The following NDUFAF5 variants were observed in gnomAD, a reference collection of about 807,000 sequenced individuals.
NDUFAF5 encodes the protein arginine-hydroxylase NDUFAF5, mitochondrial.
A neutral mutation model predicts 48.9 loss-of-function variants in NDUFAF5; 34 were observed. The observed-to-expected ratio is 0.70, with a 90% CI of 0.53 to 0.93. NDUFAF5 has a LOEUF of 0.93. Among genes scored for constraint, NDUFAF5 ranks in the 40% least tolerant of loss-of-function variants. NDUFAF5 has a pLI of 0.00. For synonymous variants in NDUFAF5, 153 were observed against 150.6 expected (o/e 1.02, Z -0.12); for missense variants, 428 against 427.5 (o/e 1.00, Z -0.01).
At chr20:13,809,078 T>C (rs1985490020) in intron 8 of NDUFAF5, 176 bp downstream of exon 8, 1 of 617,742 alleles carries the variant, frequency 1.6e-6, no homozygotes, top group East Asian at 2.8e-5. Context: ...GAGCTTCTGA[T>C]ATAAAATGGA....
Position 13,785,175 on chromosome 20 carries a change from G to C in NDUFAF5, c.107G>C (p.Arg36Pro), listed in dbSNP as rs752715492. ...RREVTSGVSP[R>P]GSTSPRTLNI... ...GAAGTCACCTCTGGTGTCTCTCCCC[G>C]CGGTAGCACCTCGCCCAGAACCCTG... The change falls in exon 1 of 11, where the codon CGC (arginine) becomes CCC (proline). Residue 36 changes from arginine to proline, a missense_variant. Coordinates refer to ENST00000378106, the MANE Select transcript of NDUFAF5 (RefSeq NM_024120.5). The C allele has an allele frequency of 4.3e-6, 7 of 1,613,878 alleles. No homozygotes were observed. The highest frequency in any genetic ancestry group is 5.9e-6 in the Non-Finnish European group (7 of 1,179,928).
In NDUFAF5 at chr20:13,785,300, C is replaced by CG; in HGVS notation, c.222+14dup. On this transcript the variant is annotated intron_variant, in intron 1 of 10. Transcript: ENST00000378106. ...CTACCTGAAGGAGGAGGTGAGCCCG[C>CG]GGGGCGGCGGGGCGGCGGGGCGGGC... 1.0e-6 allele frequency: 1 copy of CG among 967,324 alleles called. No homozygotes were observed. The highest frequency in any genetic ancestry group is 2.9e-5 in the East Asian group (1 of 34,916). 59.9% of individuals were successfully genotyped at this position (967,324 alleles called of 1,614,324 possible).
At chr20:13,813,001 G>A (rs1159531518) in intron 8 of NDUFAF5, 2 of 152,376 alleles carry the variant, frequency 1.3e-5, no homozygotes, top group Non-Finnish European at 2.9e-5. Context: ...CTAGGCTAGA[G>A]TGCAGTGGCA....
At chr20:13,803,565 A>C (rs975989922) in intron 7 of NDUFAF5, 1 of 152,176 alleles carries the variant, frequency 6.6e-6, no homozygotes, top group Non-Finnish European at 1.5e-5. Flanking sequence ...CTTGAGAGTA[A>C]GAGTTCTCAA....
intron 1 of NDUFAF5, 122 bp from the exon 2 acceptor site, chr20:13,787,190 G>A (rs1166549096): frequency 1.8e-6 from 2 of 1,094,510 alleles, no homozygotes; most frequent in Middle Eastern, 3.9e-4. Flanking sequence ...AGTTCCTGTG[G>A]TGAAATTGAA....
chr20:13,807,485 T>C lies in NDUFAF5; in HGVS notation c.718-1357T>C, dbSNP rs1479034808. Among the ~76,000 whole-genome samples, 3 of 152,168 alleles carry C rather than the reference T, an allele frequency of 2.0e-5. No individual in the cohort carries two copies. In the East Asian group the frequency reaches 5.8e-4, roughly 29 times the overall value. On this transcript the variant is annotated intron_variant, in intron 7 of 10. Coordinates refer to ENST00000378106, the MANE Select transcript of NDUFAF5 (RefSeq NM_024120.5). ...TTAAACTTACTTATATAATATTACA[T>C]GCACTCTTTTGCTTTTTTTTTTCCA...
chr20:13,802,093 A>G (rs190012190), intron 7 of NDUFAF5, among the ~76,000 whole-genome samples: 6 of 152,316 alleles, frequency 3.9e-5, no homozygotes, highest in Middle Eastern at 3.4e-3. Context: ...ACAGTGCCAT[A>G]TGAAGCAGAA....
chr20:13,801,645 C>G lies in NDUFAF5; in HGVS notation c.679C>G (p.His227Asp), dbSNP rs1448459190. 1 of 1,614,016 alleles carries G rather than the reference C, an allele frequency of 6.2e-7. No individual in the cohort carries two copies. The highest frequency in any genetic ancestry group is 8.5e-7 in the Non-Finnish European group (1 of 1,179,992). The change falls in exon 7 of 11, where the codon CAT becomes GAT. Residue 227 changes from histidine to aspartate, a missense_variant. Coordinates refer to ENST00000378106, the MANE Select transcript of NDUFAF5 (RefSeq NM_024120.5). ...TTTCACTGCTGTCAATGACCTGGGA[C>G]ATCTGCTTGGGAGAGCTGGCTTTAA... ...SPFTAVNDLG[H>D]LLGRAGFNTL...
At chr20:13,814,403 A>G in intron 8 of NDUFAF5, 3 of 1,243,068 alleles carry the variant, frequency 2.4e-6, no homozygotes, top group Non-Finnish European at 3.2e-6. Context: ...TTAAGCTGCT[A>G]TTATTAATTC....
Position 13,817,933 on chromosome 20 carries a change from C to G in NDUFAF5, c.*723C>G, listed in dbSNP as rs1318717734. Reference sequence around the variant, plus strand: ...TCATTTGGAGATAATCAAGCTCAGACAGCTTAGGATAGGTGAGAAGAACAT... The same window carrying G: ...TCATTTGGAGATAATCAAGCTCAGAGAGCTTAGGATAGGTGAGAAGAACAT... On this transcript the variant is annotated 3_prime_UTR_variant, in exon 11 of 11. Coordinates refer to ENST00000378106, the MANE Select transcript of NDUFAF5 (RefSeq NM_024120.5). The G allele has an allele frequency of 2.2e-6, 1 of 454,146 alleles. No homozygotes were observed. Among genetic ancestry groups the G allele is most frequent in the East Asian group, 6.9e-5 (1 of 14,402 alleles). 28.1% of individuals were successfully genotyped at this position (454,146 alleles called of 1,614,324 possible). A position where few individuals can be genotyped will look rare whatever the true frequency, so the allele number is the denominator to read the frequency against.
chr20:13,796,700 C>T (rs973985590), intron 5 of NDUFAF5, among the ~76,000 whole-genome samples: 7 of 152,114 alleles, frequency 4.6e-5, no homozygotes, highest in Non-Finnish European at 1.0e-4. Flanking sequence ...ATTCAAGGCC[C>T]GGGCACGGTG....
intron 2 of NDUFAF5, 41 bp downstream of exon 2, chr20:13,787,393 A>G (rs1981372401): frequency 1.3e-6 from 2 of 1,586,222 alleles, no homozygotes; most frequent in East Asian, 2.2e-5. Context: ...TCAACTTTTG[A>G]GTGGAAATTC....
chr20:13,801,435 AT>A (rs1984099567), intron 6 of NDUFAF5, 50 bp from the exon 7 acceptor site: 1 of 1,214,528 alleles, frequency 8.2e-7, no homozygotes, highest in Non-Finnish European at 1.2e-6. Flanking sequence ...ATTTTTTAAC[AT>A]TTATATATAT....
intron 6 of NDUFAF5, among the ~76,000 whole-genome samples, chr20:13,800,012 T>C (rs962129025): frequency 2.0e-5 from 3 of 152,088 alleles, no homozygotes; most frequent in African/African-American, 4.8e-5. Context: ...GAAAGGGGAA[T>C]TGATTTGATA....
At chr20:13,815,217 A>AT (rs1387923658) in intron 8 of NDUFAF5, among the ~76,000 whole-genome samples, 46 of 152,218 alleles carry the variant, frequency 3.0e-4, no homozygotes, top group Non-Finnish European at 2.9e-5. Flanking sequence ...CTGAGCCAAC[A>AT]GACTCTTCCA....
chr20:13,802,765 A>G (rs1161066008), intron 7 of NDUFAF5, among the ~76,000 whole-genome samples: 1 of 151,528 alleles, frequency 6.6e-6, no homozygotes, highest in African/African-American at 2.4e-5. Flanking sequence ...TGCTCAGCTT[A>G]CATTAGCTCC....
intron 5 of NDUFAF5, among the ~76,000 whole-genome samples, chr20:13,795,952 A>C (rs995082614): frequency 6.6e-6 from 1 of 152,266 alleles, no homozygotes; most frequent in Non-Finnish European, 1.5e-5. Flanking sequence ...TATAGGATAC[A>C]AGGCACTGAG....
At chr20:13,800,114 T>A (rs1218983306) in intron 6 of NDUFAF5, among the ~76,000 whole-genome samples, 1 of 152,100 alleles carries the variant, frequency 6.6e-6, no homozygotes, top group African/African-American at 2.4e-5. Flanking sequence ...TGAAGATGAC[T>A]TTGGACTTCT....
chr20:13,814,621 G>GTT, intron 8 of NDUFAF5: 2 of 538,568 alleles, frequency 3.7e-6, no homozygotes, highest in Non-Finnish European at 6.3e-6. Context: ...TAAAAACACT[G>GTT]TGAGAGTCTT....
Sources: gnomAD v4.1 joint callset for allele counts (sites outside exome capture counted in the v4.1 genomes callset) on GRCh38, gnomAD v4.1.1 for gene constraint, MANE v1.5 for transcripts, NCBI Gene and HGNC (gene_info 2026-07-23, HGNC 2026-07-21) for gene names.